The following SMNDC1 variants were observed in gnomAD, a reference collection of about 807,000 sequenced individuals.
SMNDC1 encodes the protein survival of motor neuron-related-splicing factor 30.
A neutral mutation model predicts 29.2 loss-of-function variants in SMNDC1; 5 were observed. The observed-to-expected ratio is 0.17, with a 90% CI of 0.09 to 0.36. SMNDC1 has a LOEUF of 0.36. SMNDC1 is among the 10% of genes least tolerant of loss of function. The pLI is 1.00. For synonymous variants in SMNDC1, 80 were observed against 89.9 expected (o/e 0.89, Z 0.62); for missense variants, 142 against 268.5 (o/e 0.53, Z 3.29).
At chr10:110,296,260 CA>C (rs1365264997) in intron 4 of SMNDC1, among the ~76,000 whole-genome samples, 6 of 152,116 alleles carry the variant, frequency 3.9e-5, no homozygotes, top group Admixed American at 3.9e-4. Flanking sequence ...AATTTCTGCT[CA>C]GTTAACACTG....
intron 4 of SMNDC1, 25 bp from the exon 5 acceptor site, chr10:110,295,406 A>T (rs779762254): frequency 9.6e-6 from 15 of 1,569,272 alleles, no homozygotes; most frequent in Non-Finnish European, 1.3e-5. Context: ...GTTAAATGTC[A>T]ACTGTTAAGA....
rs776775027 is a variant in SMNDC1 at position 110,291,562 on chromosome 10, G to A, written c.*2588C>T. 3.3e-5 allele frequency: 5 copies of A among 152,144 alleles called. No homozygotes were observed. The highest frequency in any genetic ancestry group is 7.3e-5 in the Non-Finnish European group (5 of 68,036). The allele number at this position is 152,144 out of a possible 1,614,324, so 9.4% of individuals were successfully genotyped here. Reference sequence around the variant, plus strand: ...GAGTAATAGCAGACGCTTCTATAGTGCTTATGCCGGATACTCTTAAGCTAT... The same window carrying A: ...GAGTAATAGCAGACGCTTCTATAGTACTTATGCCGGATACTCTTAAGCTAT... On this transcript the variant is annotated 3_prime_UTR_variant, in exon 6 of 6. Transcript: ENST00000369603.
In SMNDC1 at chr10:110,292,191, ACAT is replaced by A. The variant is rs1857506657; in HGVS notation, c.*1956_*1958del. ...CCTGCCTCTTAGTTCAGAGACACAA[ACAT>A]CATCCTGACACTAGGATTTTCCAAA... On this transcript the variant is annotated 3_prime_UTR_variant, in exon 6 of 6. Coordinates refer to ENST00000369603, the MANE Select transcript of SMNDC1 (RefSeq NM_005871.4). The A allele has an allele frequency of 6.6e-6, 1 of 152,170 alleles. No individual in the cohort carries two copies. Among genetic ancestry groups the A allele is most frequent in the Non-Finnish European group, 1.5e-5 (1 of 68,032 alleles). 9.4% of individuals were successfully genotyped at this position (152,170 alleles called of 1,614,324 possible).
intron 2 of SMNDC1, among the ~76,000 whole-genome samples, chr10:110,299,127 T>G (rs552377379): frequency 6.6e-6 from 1 of 152,336 alleles, no homozygotes; most frequent in Admixed American, 6.5e-5. Flanking sequence ...GAAAGTCAAG[T>G]ATGAGGCACT....
intron 5 of SMNDC1, among the ~76,000 whole-genome samples, chr10:110,295,022 T>C (rs1347432371): frequency 1.3e-5 from 2 of 152,248 alleles, no homozygotes; most frequent in African/African-American, 4.8e-5. Flanking sequence ...TAATTTCTGA[T>C]ATAAATTCTC....
In SMNDC1 at chr10:110,303,154, A is replaced by T. The variant is rs577633064; in HGVS notation, c.120+314T>A. 2.0e-4 allele frequency among the ~76,000 whole-genome samples: 31 copies of T among 152,374 alleles called. No individual in the cohort carries two copies. The South Asian group carries it at 6.4e-3, about 32-fold the overall frequency. On this transcript the variant is annotated intron_variant, in intron 2 of 5. Coordinates refer to ENST00000369603, the MANE Select transcript of SMNDC1 (RefSeq NM_005871.4). ...CATTTGCCAGGTCTTAAAAACTAAA[A>T]GCGTTTTTCATTGTGAAGTTACATG...
At chr10:110,298,814 C>T (rs868825812) in intron 2 of SMNDC1, 24 bp from the exon 3 acceptor site, 1 of 1,568,492 alleles carries the variant, frequency 6.4e-7, no homozygotes, top group South Asian at 1.1e-5. Flanking sequence ...ACAAAAACTA[C>T]AACATTATTT....
In SMNDC1 at chr10:110,302,165, T is replaced by C. The variant is rs572804308; in HGVS notation, c.120+1303A>G. 6.6e-5 allele frequency among the ~76,000 whole-genome samples: 10 copies of C among 152,334 alleles called. No individual in the cohort carries two copies. The South Asian group carries it at 1.9e-3, about 28-fold the overall frequency. The stretch of plus-strand genomic sequence containing the variant: ...AAAATAAGAGGTCGGTGTGCCTCTG[T>C]TGCCTCATCTTCAATGTATACTCAC... On this transcript the variant is annotated intron_variant, in intron 2 of 5. Transcript: ENST00000369603.
At position 110,292,752 on chromosome 10, in the gene SMNDC1, G is replaced by A. The variant is rs922592766; in HGVS notation, c.*1398C>T. 6.6e-6 allele frequency: 1 copy of A among 151,982 alleles called. No homozygotes were observed. Among genetic ancestry groups the A allele is most frequent in the Non-Finnish European group, 1.5e-5 (1 of 67,982 alleles). 9.4% of individuals were successfully genotyped at this position (151,982 alleles called of 1,614,324 possible). ...GAGATGAAGAATTCTACCTACCACT[G>A]TCCTAAGTTTCAATTTATAAAAAAA... On this transcript the variant is annotated 3_prime_UTR_variant, in exon 6 of 6. Coordinates refer to ENST00000369603, the MANE Select transcript of SMNDC1 (RefSeq NM_005871.4).
At position 110,298,783 on chromosome 10, in the gene SMNDC1, A is replaced by G; in HGVS notation, c.128T>C (p.Ile43Thr). The change falls in exon 3 of 6, where the codon ATA (isoleucine) becomes ACA (threonine). Residue 43 changes from isoleucine (I) to threonine (T), a missense_variant. This residue lies in a region of SMNDC1 where 65 missense variants were observed against 75.9 expected (regional missense o/e 0.86). Transcript: ENST00000369603. ...TGACAGAAGGTCTTTGGTTAGTTCT[A>G]TAACTTCCTAAAAAAGAAAAACAAA... ...LKLKKDLQEVIELTKDLLSTQ... is the reference protein window; with the variant it reads ...LKLKKDLQEVTELTKDLLSTQ... The G allele has an allele frequency of 6.3e-7, 1 of 1,595,570 alleles. No individual in the cohort carries two copies. The highest frequency in any genetic ancestry group is 8.5e-7 in the Non-Finnish European group (1 of 1,174,722).
chr10:110,295,008 T>A (rs370654231), intron 5 of SMNDC1, among the ~76,000 whole-genome samples: 4 of 152,242 alleles, frequency 2.6e-5, no homozygotes, highest in Non-Finnish European at 4.4e-5. Context: ...ACATAGACCT[T>A]TTGTAATTTC....
At position 110,295,207 on chromosome 10, in the gene SMNDC1, AGT is replaced by A; in HGVS notation, c.579+19_579+20del. 1 of 1,561,810 alleles carries A rather than the reference AGT, an allele frequency of 6.4e-7. No individual in the cohort carries two copies. The highest frequency in any genetic ancestry group is 2.3e-5 in the East Asian group (1 of 43,488). On this transcript the variant is annotated intron_variant, in intron 5 of 5. Coordinates refer to ENST00000369603, the MANE Select transcript of SMNDC1 (RefSeq NM_005871.4). ...ACAGTTGCATTTCTCAAATTTACAA[AGT>A]GTAAAAAGATTTACCAACCTGGCCT...
rs778621242 is a variant in SMNDC1, at chr10:110,297,690, T to C, written c.302A>G (p.Asn101Ser). ...EAEIEEIDEE[N>S]GTAAITFAGY... ...AGCAAAGGTGATTGCAGCGGTGCCA[T>C]TTTCTTCATCTATCTCCTCAATCTC... Residue 101 changes from asparagine to serine, a missense_variant, in exon 4 of 6, where the codon AAT (asparagine) becomes AGT (serine). Asn to Ser is a conservative substitution (Grantham distance 46). Transcript: ENST00000369603. 1.2e-6 allele frequency: 2 copies of C among 1,613,978 alleles called. No individual in the cohort carries two copies. The highest frequency in any genetic ancestry group is 2.2e-5 in the East Asian group (1 of 44,886).
In SMNDC1 at chr10:110,291,942, A is replaced by AT. The variant is rs1361414076; in HGVS notation, c.*2207dup. 6.6e-6 allele frequency: 1 copy of AT among 152,168 alleles called. No individual in the cohort carries two copies. Among genetic ancestry groups the AT allele is most frequent in the East Asian group, 1.9e-4 (1 of 5,204 alleles). 9.4% of individuals were successfully genotyped at this position (152,168 alleles called of 1,614,324 possible). A position where few individuals can be genotyped will look rare whatever the true frequency, so the allele number is the denominator to read the frequency against. On this transcript the variant is annotated 3_prime_UTR_variant, in exon 6 of 6. Coordinates refer to ENST00000369603, the MANE Select transcript of SMNDC1 (RefSeq NM_005871.4). Reference sequence around the variant, plus strand: ...AGGGGCCCATAACTCAATATTTAACATTTCAGTCTGTCACAGTTTCAAAGC... The same window carrying AT: ...AGGGGCCCATAACTCAATATTTAACATTTTCAGTCTGTCACAGTTTCAAAGC...
chr10:110,299,762 T>C (rs1437453048), intron 2 of SMNDC1, among the ~76,000 whole-genome samples: 1 of 152,210 alleles, frequency 6.6e-6, no homozygotes, highest in Admixed American at 6.5e-5. Context: ...CACTGAGGTT[T>C]CATAATAGTA....
At position 110,294,021 on chromosome 10, in the gene SMNDC1, C is replaced by T. The variant is rs10509913; in HGVS notation, c.*129G>A. The T allele has an allele frequency of 3.8e-5, 26 of 677,590 alleles. 1 individual carries two copies. The Admixed American group carries it at 4.4e-4, about 11-fold the overall frequency. The allele number at this position is 677,590 out of a possible 1,614,324, so 42.0% of individuals were successfully genotyped here. On this transcript the variant is annotated 3_prime_UTR_variant, in exon 6 of 6. Coordinates refer to ENST00000369603, the MANE Select transcript of SMNDC1 (RefSeq NM_005871.4). ...TGCAATTTCTTCACGTTTCATTCTA[C>T]TGAAGCCAACCAATGACGACAATGG... is the stretch of plus-strand genomic sequence containing the variant.
At chr10:110,298,817 CATTAT>C (rs759948223) in intron 2 of SMNDC1, 27 bp from the exon 3 acceptor site, 2 of 1,559,468 alleles carry the variant, frequency 1.3e-6, no homozygotes, top group African/African-American at 2.7e-5. Flanking sequence ...AAAACTACAA[CATTAT>C]TTTTATAATT....
intron 2 of SMNDC1, chr10:110,300,821 T>G: frequency 3.4e-6 from 2 of 588,866 alleles, no homozygotes; most frequent in Non-Finnish European, 4.3e-6. Context: ...ATTGACTATC[T>G]CTGATTATCA....
At chr10:110,294,685 C>CCTTCCTT (rs1857541164) in intron 5 of SMNDC1, among the ~76,000 whole-genome samples, 5 of 152,200 alleles carry the variant, frequency 3.3e-5, no homozygotes, top group Non-Finnish European at 7.3e-5. Context: ...ACAAAATAAA[C>CCTTCCTT]ATCTTTATGA....
Sources: allele counts gnomAD v4.1 joint callset (sites outside exome capture counted in the v4.1 genomes callset), GRCh38; gene constraint gnomAD v4.1.1; regional missense constraint gnomAD v4.1.1; transcripts MANE v1.5; gene names NCBI Gene and HGNC (gene_info 2026-07-23, HGNC 2026-07-21).